The following DNAH14 variants were observed in gnomAD, a reference collection of about 807,000 sequenced individuals.
The protein encoded by DNAH14 is axonemal beta dynein heavy chain 14.
In DNAH14, 478 loss-of-function variants were observed where a neutral mutation model predicts 520.9. That is an observed-to-expected ratio of 0.92 (90% CI 0.85 to 0.99). The LOEUF (loss-of-function observed/expected upper bound fraction) is 0.99. Among genes scored for constraint, DNAH14 ranks in the 50% least tolerant of loss-of-function variants. The pLI, the probability that DNAH14 is intolerant of heterozygous loss-of-function variation, is 0.00. For missense variants in DNAH14, 4,831 were observed against 5,234.5 expected (o/e 0.92, Z 2.38); for synonymous variants, 1,581 against 1,757.2 (o/e 0.90, Z 2.51).
intron 73 of DNAH14, among the ~76,000 whole-genome samples, chr1:225,356,471 C>G (rs542740041): frequency 6.6e-6 from 1 of 152,292 alleles, no homozygotes; most frequent in Admixed American, 6.5e-5. Flanking sequence ...ACCCACTTCT[C>G]TAATTTTTGT....
intron 83 of DNAH14, 72 bp from the exon 84 acceptor site, chr1:225,392,219 T>C: frequency 6.7e-7 from 1 of 1,498,180 alleles, no homozygotes; most frequent in Non-Finnish European, 9.0e-7. Context: ...CCATGAGACA[T>C]CATTGTTGCT....
chr1:225,334,709 T>G (rs928688910), intron 66 of DNAH14, among the ~76,000 whole-genome samples: 2 of 151,492 alleles, frequency 1.3e-5, no homozygotes, highest in Non-Finnish European at 2.9e-5. Flanking sequence ...TCACAATCAT[T>G]GCAATGATTG....
chr1:224,937,745 C>T (rs2059133947), intron 1 of DNAH14, among the ~76,000 whole-genome samples: 2 of 151,742 alleles, frequency 1.3e-5, no homozygotes. Flanking sequence ...TAGCCAAAGC[C>T]CTCCTGAGCA....
chr1:225,032,143 C>T (rs548825412), intron 11 of DNAH14, among the ~76,000 whole-genome samples: 1 of 151,854 alleles, frequency 6.6e-6, no homozygotes, highest in African/African-American at 2.4e-5. Flanking sequence ...AAACATGGGT[C>T]ATGGGGGTTT....
At chr1:225,119,989 G>C (rs2148874817) in intron 26 of DNAH14, among the ~76,000 whole-genome samples, 1 of 152,246 alleles carries the variant, frequency 6.6e-6, no homozygotes, top group African/African-American at 2.4e-5. Flanking sequence ...CACCCAGTGG[G>C]TTCACCTTGC....
At chr1:225,173,841 C>G (rs922355811) in intron 36 of DNAH14, among the ~76,000 whole-genome samples, 3 of 152,144 alleles carry the variant, frequency 2.0e-5, no homozygotes, top group African/African-American at 7.2e-5. Context: ...TTCACAATAG[C>G]AAAGACTTGG....
chr1:224,934,998 A>G (rs955206670), intron 1 of DNAH14, among the ~76,000 whole-genome samples: 4 of 151,888 alleles, frequency 2.6e-5, no homozygotes, highest in Non-Finnish European at 5.9e-5. Flanking sequence ...TGGTCCCCTA[A>G]GAAGTGCTCA....
intron 13 of DNAH14, 58 bp downstream of exon 13, chr1:225,043,172 G>A (rs367640287): frequency 1.4e-6 from 2 of 1,450,574 alleles, no homozygotes; most frequent in African/African-American, 1.4e-5. Flanking sequence ...GCTCATGCCT[G>A]CAATCCTGGC....
intron 10 of DNAH14, among the ~76,000 whole-genome samples, chr1:225,016,985 T>C (rs1004062049): frequency 6.6e-6 from 1 of 152,112 alleles, no homozygotes; most frequent in African/African-American, 2.4e-5. Flanking sequence ...TGTATTCTCA[T>C]ATATTTCACT....
At chr1:225,288,335 G>A (rs2093793875) in intron 54 of DNAH14, among the ~76,000 whole-genome samples, 2 of 152,098 alleles carry the variant, frequency 1.3e-5, no homozygotes, top group South Asian at 2.1e-4. Context: ...CAAAAATAAG[G>A]AAAGTGTGAA....
intron 74 of DNAH14, 141 bp downstream of exon 74, chr1:225,358,793 GT>G (rs2095460532): frequency 1.2e-6 from 1 of 820,540 alleles, no homozygotes; most frequent in Admixed American, 3.4e-5. Context: ...CATGGGGATG[GT>G]TCCCCCCATG....
intron 64 of DNAH14, among the ~76,000 whole-genome samples, chr1:225,326,889 T>A (rs2094683964): frequency 6.6e-6 from 1 of 151,570 alleles, no homozygotes; most frequent in South Asian, 2.1e-4. Context: ...CCAAAAATCA[T>A]GGATTTAAAA....
chr1:224,956,857 C>T (rs1464031388), intron 3 of DNAH14, among the ~76,000 whole-genome samples: 1 of 151,996 alleles, frequency 6.6e-6, no homozygotes, highest in Non-Finnish European at 1.5e-5. Context: ...ACAAAGCTTC[C>T]CCTCCAACAG....
At chr1:225,021,011 T>A (rs1298734574) in intron 10 of DNAH14, among the ~76,000 whole-genome samples, 1 of 151,756 alleles carries the variant, frequency 6.6e-6, no homozygotes, top group East Asian at 1.9e-4. Context: ...AATCAATAAG[T>A]GTGATTTATT....
chr1:225,042,940 A>C lies in DNAH14; in HGVS notation c.1594A>C (p.Asn532His). The C allele has an allele frequency of 6.4e-7, 1 of 1,551,908 alleles. No homozygotes were observed. Residue 532 changes from asparagine to histidine, a missense_variant, in exon 13 of 86, where the codon AAT becomes CAT. Coordinates refer to ENST00000682510, the MANE Select transcript of DNAH14 (RefSeq NM_001367479.1). ...RIPAESDSSE[N>H]SKENFHESDQ... ...TCCTGCTGAGAGTGATTCTTCAGAAAATTCTAAAGAGAACTTTCATGAGTC... is the reference window on the plus strand; with the variant it reads ...TCCTGCTGAGAGTGATTCTTCAGAACATTCTAAAGAGAACTTTCATGAGTC...
chr1:225,363,372 T>TTAAG (rs2095515277), intron 75 of DNAH14, among the ~76,000 whole-genome samples: 1 of 152,340 alleles, frequency 6.6e-6, no homozygotes, highest in African/African-American at 2.4e-5. Flanking sequence ...TTCATGTCTC[T>TTAAG]TAAGTCTCCT....
intron 66 of DNAH14, among the ~76,000 whole-genome samples, chr1:225,335,530 T>G: frequency 7.0e-6 from 1 of 143,670 alleles, no homozygotes; most frequent in Admixed American, 6.9e-5. Flanking sequence ...CATATATACA[T>G]ATGTACATAT....
intron 79 of DNAH14, among the ~76,000 whole-genome samples, chr1:225,378,337 G>A (rs537713339): frequency 6.6e-6 from 1 of 152,158 alleles, no homozygotes; most frequent in East Asian, 1.9e-4. Flanking sequence ...CCCTCTGAAG[G>A]TAAGCTTGAT....
chr1:225,387,288 T>C (rs146324110), intron 81 of DNAH14, among the ~76,000 whole-genome samples: 3,633 of 151,946 alleles, frequency 0.024, 70 homozygotes, highest in Middle Eastern at 0.092. Context: ...ATAATGTAAA[T>C]GACGAGTTAA....
Sources: gnomAD v4.1 joint callset for allele counts (sites outside exome capture counted in the v4.1 genomes callset) on GRCh38, gnomAD v4.1.1 for gene constraint, MANE v1.5 for transcripts, NCBI Gene and HGNC (gene_info 2026-07-23, HGNC 2026-07-21) for gene names.